Variants in RAPGEF4 observed in about 807,000 individuals in gnomAD.
RAPGEF4 encodes Rap guanine nucleotide exchange factor 4.
In RAPGEF4, 66 loss-of-function variants were observed where a neutral mutation model predicts 147.9. The ratio of observed to expected loss-of-function variants is 0.45; its 90% CI spans 0.37 to 0.55. The LOEUF is 0.55. Among genes scored for constraint, RAPGEF4 ranks in the 20% least tolerant of loss-of-function variants. RAPGEF4 has a pLI of 0.00. For missense variants in RAPGEF4, 1,071 were observed against 1,257.3 expected, an observed-to-expected ratio of 0.85 and a Z score of 2.24; for synonymous variants, 419 against 442.7, an observed-to-expected ratio of 0.95 and a Z score of 0.67.
chr2:172,758,129 G>C (rs961339191), intron 1 of RAPGEF4, among the ~76,000 whole-genome samples: 1 of 152,158 alleles, frequency 6.6e-6, no homozygotes, highest in South Asian at 2.1e-4. Flanking sequence ...AAAGTGATTT[G>C]AGCAAAGAGG....
Position 173,026,706 on chromosome 2 carries a change from C to A in RAPGEF4, c.2379+9C>A. The A allele has an allele frequency of 6.2e-7, 1 of 1,612,992 alleles. No homozygotes were observed. The highest frequency in any genetic ancestry group is 2.2e-5 in the East Asian group (1 of 44,856). ...TCAACTGCGTGCATGAGGTAAGATG[C>A]AGGATCAGATGTGTTAGTAGCTGAG... On this transcript the variant is annotated intron_variant, in intron 24 of 30. Transcript: ENST00000397081.
At chr2:172,821,720 T>C in intron 4 of RAPGEF4, 4 of 1,102,632 alleles carry the variant, frequency 3.6e-6, no homozygotes, top group Non-Finnish European at 4.4e-6. Flanking sequence ...GTGAAGTTAT[T>C]AGGAGCTAAC....
At position 172,795,167 on chromosome 2, in the gene RAPGEF4, T is replaced by A; in HGVS notation, c.208T>A (p.Leu70Ile). The A allele has an allele frequency of 1.2e-6, 2 of 1,604,416 alleles. No homozygotes were observed. Among genetic ancestry groups the A allele is most frequent in the South Asian group, 2.2e-5 (2 of 90,740 alleles). The change falls in exon 2 of 31, where the codon TTA (leucine) becomes ATA (isoleucine). Residue 70 changes from leucine to isoleucine, a missense_variant and splice_region_variant. Transcript: ENST00000397081. ...YYENLEKGIT[L>I]FRQGDIGTNW... ...TGAGAATCTGGAAAAGGGAATAACA[T>A]GTAAGAAATGCAACTCTTGTAGTAT... is the stretch of plus-strand genomic sequence containing the variant.
At chr2:172,981,234 G>C (rs1280765982) in intron 10 of RAPGEF4, among the ~76,000 whole-genome samples, 1 of 152,200 alleles carries the variant, frequency 6.6e-6, no homozygotes, top group Non-Finnish European at 1.5e-5. Context: ...CTGATGTCAA[G>C]TAGCAAGAAC....
intron 17 of RAPGEF4, among the ~76,000 whole-genome samples, chr2:173,003,125 C>A (rs79205545): frequency 0.022 from 3,338 of 150,316 alleles, 142 homozygotes; most frequent in African/African-American, 0.076. Flanking sequence ...CCAAACACTG[C>A]GCTTGTCTTT....
intron 16 of RAPGEF4, among the ~76,000 whole-genome samples, chr2:172,997,115 G>T (rs1479885551): frequency 6.6e-6 from 1 of 152,162 alleles, no homozygotes; most frequent in Non-Finnish European, 1.5e-5. Context: ...GTGATATTTG[G>T]GTTGGTTCCT....
intron 6 of RAPGEF4, among the ~76,000 whole-genome samples, chr2:172,957,345 A>G (rs370230938): frequency 2.6e-5 from 4 of 152,378 alleles, no homozygotes; most frequent in African/African-American, 9.6e-5. Context: ...AATTCTCAAA[A>G]GAAACTTTAC....
chr2:173,027,135 A>C lies in RAPGEF4; in HGVS notation c.2434A>C (p.Asn812His). The C allele has an allele frequency of 6.2e-7, 1 of 1,613,278 alleles. No homozygotes were observed. The highest frequency in any genetic ancestry group is 8.5e-7 in the Non-Finnish European group (1 of 1,179,694). Residue 812 changes from asparagine to histidine, a missense_variant, in exon 25 of 31, where the codon AAC becomes CAC. Transcript: ENST00000397081. Reference protein sequence around the residue: ...GRHNFKKTTANLDLFLRRFNE... With the variant: ...GRHNFKKTTAHLDLFLRRFNE... ...GCATAATTTTAAAAAGACCACAGCA[A>C]ACTTGGATTTGTTCCTGAGGAGATT...
In RAPGEF4 at chr2:172,739,429, C is replaced by T. The variant is rs1056357845; in HGVS notation, c.65+3381C>T. 1.1e-4 allele frequency among the ~76,000 whole-genome samples: 17 copies of T among 151,640 alleles called. 1 individual carries two copies. Among genetic ancestry groups the T allele is most frequent in the African/African-American group, 3.9e-4 (16 of 41,338 alleles). ...CTCTGTCACCCAGGCTGGAGTGCAA[C>T]GGTGTGATCTTGACTCACTGCAACC... On this transcript the variant is annotated intron_variant, in intron 1 of 30. Transcript: ENST00000397081.
intron 4 of RAPGEF4, among the ~76,000 whole-genome samples, chr2:172,900,462 C>A (rs1221610810): frequency 1.3e-5 from 2 of 152,160 alleles, no homozygotes; most frequent in Non-Finnish European, 2.9e-5. Context: ...GGGTCTCGAA[C>A]TCCTGGCCTC....
intron 1 of RAPGEF4, among the ~76,000 whole-genome samples, chr2:172,749,217 C>T (rs1419528071): frequency 1.3e-5 from 2 of 152,252 alleles, no homozygotes; most frequent in African/African-American, 4.8e-5. Context: ...AGTAGCGACT[C>T]TGAGTAGGGG....
At chr2:172,941,804 AT>A (rs2105332434) in intron 6 of RAPGEF4, among the ~76,000 whole-genome samples, 1 of 152,302 alleles carries the variant, frequency 6.6e-6, no homozygotes, top group East Asian at 1.9e-4. Flanking sequence ...CAGATTCATC[AT>A]CTGAAAAATG....
chr2:172,846,958 T>C lies in RAPGEF4; in HGVS notation c.444+32533T>C, dbSNP rs147551368. 1.1e-3 allele frequency among the ~76,000 whole-genome samples: 172 copies of C among 152,310 alleles called. 3 individuals carry two copies. The East Asian group carries it at 0.021, about 19-fold the overall frequency. On this transcript the variant is annotated intron_variant, in intron 4 of 30. Transcript: ENST00000397081. ...TTGCATGTCTCTCCTCCCTTTGGAA[T>C]GTGAGCAACCTGAGGATGGAATGGA...
chr2:172,743,473 T>A (rs10193942), intron 1 of RAPGEF4, among the ~76,000 whole-genome samples: 1 of 152,052 alleles, frequency 6.6e-6, no homozygotes, highest in South Asian at 2.1e-4. Flanking sequence ...CTGTAACTGC[T>A]CAGATTCCTT....
At chr2:172,890,507 A>T (rs1697777333) in intron 4 of RAPGEF4, among the ~76,000 whole-genome samples, 1 of 152,200 alleles carries the variant, frequency 6.6e-6, no homozygotes, top group Non-Finnish European at 1.5e-5. Context: ...AAATAAATAA[A>T]CCAGTGAAGG....
At chr2:172,928,822 A>G (rs1462505804) in intron 6 of RAPGEF4, among the ~76,000 whole-genome samples, 8 of 152,188 alleles carry the variant, frequency 5.3e-5, no homozygotes, top group Admixed American at 5.2e-4. Flanking sequence ...TAGTTTAATA[A>G]TAATAATAAA....
intron 1 of RAPGEF4, among the ~76,000 whole-genome samples, chr2:172,763,151 C>A (rs1696505124): frequency 6.6e-6 from 1 of 152,194 alleles, no homozygotes; most frequent in African/African-American, 2.4e-5. Flanking sequence ...AATCCCAGAA[C>A]CTACTTTCCT....
In RAPGEF4 at chr2:172,930,305, A is replaced by G. The variant is rs953328840; in HGVS notation, c.537+8005A>G. Among the ~76,000 whole-genome samples, 8 of 152,256 alleles carry G rather than the reference A, an allele frequency of 5.3e-5. No individual in the cohort carries two copies. The East Asian group carries it at 5.8e-4, about 11-fold the overall frequency. On this transcript the variant is annotated intron_variant, in intron 6 of 30. Transcript: ENST00000397081. The stretch of plus-strand genomic sequence containing the variant: ...ATAGGCATTCCAGTGTCCCAACAAG[A>G]CACCTTCCTCACCCCTCCTCAAAGA...
At chr2:173,002,444 G>A (rs1264088160) in intron 17 of RAPGEF4, among the ~76,000 whole-genome samples, 1 of 152,152 alleles carries the variant, frequency 6.6e-6, no homozygotes, top group East Asian at 1.9e-4. Flanking sequence ...CAGAAAATGG[G>A]AGTGGAATAA....
Sources: allele counts gnomAD v4.1 joint callset (sites outside exome capture counted in the v4.1 genomes callset), GRCh38; gene constraint gnomAD v4.1.1; transcripts MANE v1.5; gene names NCBI Gene and HGNC (gene_info 2026-07-23, HGNC 2026-07-21).